Variants in C8orf34 observed in about 807,000 individuals in gnomAD.
C8orf34 encodes the protein uncharacterized protein C8orf34.
A neutral mutation model predicts 68.3 loss-of-function variants in C8orf34; 65 were observed. That is an observed-to-expected ratio of 0.95 (90% CI 0.78 to 1.17). The LOEUF (loss-of-function observed/expected upper bound fraction) is 1.17. Among genes scored for constraint, C8orf34 ranks in the 50% most tolerant of loss-of-function variants. The pLI is 0.00. For synonymous variants in C8orf34, 244 were observed against 241.2 expected (o/e 1.01, Z -0.11); for missense variants, 664 against 655.4 (o/e 1.01, Z -0.14).
intron 7 of C8orf34, among the ~76,000 whole-genome samples, chr8:68,627,022 A>G (rs938195909): frequency 2.6e-5 from 4 of 152,138 alleles, no homozygotes; most frequent in Non-Finnish European, 4.4e-5. Flanking sequence ...TAAAATGGTA[A>G]TTAAAATGAT....
chr8:68,767,053 C>T (rs2129528237), intron 10 of C8orf34, among the ~76,000 whole-genome samples: 1 of 152,158 alleles, frequency 6.6e-6, no homozygotes, highest in Admixed American at 6.5e-5. Flanking sequence ...GGTGTGATGG[C>T]ATTGATGGCA....
intron 1 of C8orf34, among the ~76,000 whole-genome samples, chr8:68,353,270 C>G (rs995373688): frequency 6.6e-6 from 1 of 151,940 alleles, no homozygotes; most frequent in Non-Finnish European, 1.5e-5. Context: ...ATTAGAACTG[C>G]ACTCCCCCAC....
At chr8:68,400,682 T>C (rs1808912552) in intron 1 of C8orf34, among the ~76,000 whole-genome samples, 1 of 152,162 alleles carries the variant, frequency 6.6e-6, no homozygotes, top group Non-Finnish European at 1.5e-5. Flanking sequence ...TGCCTCAGCC[T>C]TCTGAGTAGC....
At chr8:68,743,370 G>A (rs1822361170) in intron 10 of C8orf34, among the ~76,000 whole-genome samples, 1 of 152,190 alleles carries the variant, frequency 6.6e-6, no homozygotes, top group Non-Finnish European at 1.5e-5. Flanking sequence ...AGCCAAGATG[G>A]CCGAATAGGA....
chr8:68,646,438 C>G (rs1819174925), intron 8 of C8orf34, among the ~76,000 whole-genome samples: 1 of 151,892 alleles, frequency 6.6e-6, no homozygotes, highest in Admixed American at 6.6e-5. Context: ...GTTAACAAAT[C>G]CACCACCAAT....
intron 1 of C8orf34, among the ~76,000 whole-genome samples, chr8:68,418,405 C>T (rs1245336290): frequency 1.3e-5 from 2 of 152,054 alleles, no homozygotes; most frequent in African/African-American, 4.8e-5. Flanking sequence ...AGATTTTGCC[C>T]ATTCAGTATG....
At chr8:68,359,131 AAGAC>A (rs528041780) in intron 1 of C8orf34, among the ~76,000 whole-genome samples, 116 of 152,338 alleles carry the variant, frequency 7.6e-4, no homozygotes, top group Middle Eastern at 3.4e-3. Context: ...AAAATGTGGA[AAGAC>A]AGAGTGCAAA....
At chr8:68,796,194 T>G (rs1824173253) in intron 12 of C8orf34, among the ~76,000 whole-genome samples, 1 of 152,216 alleles carries the variant, frequency 6.6e-6, no homozygotes, top group South Asian at 2.1e-4. Context: ...TTATTGAGAT[T>G]CAGCCGTTTT....
At chr8:68,539,419 A>G (rs1204342884) in intron 7 of C8orf34, among the ~76,000 whole-genome samples, 3 of 152,264 alleles carry the variant, frequency 2.0e-5, no homozygotes, top group Non-Finnish European at 4.4e-5. Flanking sequence ...CATCAAAACC[A>G]ACAGATATTA....
chr8:68,707,458 C>T (rs1421191154), intron 8 of C8orf34, among the ~76,000 whole-genome samples: 1 of 152,082 alleles, frequency 6.6e-6, no homozygotes, highest in East Asian at 1.9e-4. Context: ...TTAATAAGTG[C>T]TAAATAAAAC....
At chr8:68,704,271 G>T (rs1451402824) in intron 8 of C8orf34, among the ~76,000 whole-genome samples, 3 of 152,138 alleles carry the variant, frequency 2.0e-5, no homozygotes, top group Non-Finnish European at 2.9e-5. Flanking sequence ...GAAAAGAGGA[G>T]AATCTAGAAG....
In C8orf34 at chr8:68,732,558, A is replaced by G. The variant is rs1015631476; in HGVS notation, c.1404+11121A>G. 2.1e-4 allele frequency among the ~76,000 whole-genome samples: 32 copies of G among 151,854 alleles called. 1 individual carries two copies. The highest frequency in any genetic ancestry group is 2.0e-3 in the Admixed American group (30 of 15,226). Reference sequence around the variant, plus strand: ...ATATTGTGGCAAATAATTTTTAGCAATTTTTCTCTTGTCTTTTAATGTTAT... The same window carrying G: ...ATATTGTGGCAAATAATTTTTAGCAGTTTTTCTCTTGTCTTTTAATGTTAT... On this transcript the variant is annotated intron_variant, in intron 10 of 13. Coordinates refer to ENST00000518698, the MANE Select transcript of C8orf34 (RefSeq NM_052958.4).
At chr8:68,603,122 C>T (rs770548949) in intron 7 of C8orf34, among the ~76,000 whole-genome samples, 1 of 150,242 alleles carries the variant, frequency 6.7e-6, no homozygotes. Flanking sequence ...TAAGTTTGTT[C>T]GTGGGATTAT....
At chr8:68,418,354 G>A (rs1456829173) in intron 1 of C8orf34, among the ~76,000 whole-genome samples, 1 of 151,560 alleles carries the variant, frequency 6.6e-6, no homozygotes, top group Non-Finnish European at 1.5e-5. Flanking sequence ...GGTGAGAGAG[G>A]GCATCCCTGT....
In C8orf34 at chr8:68,776,447, G is replaced by T; in HGVS notation, c.1453G>T (p.Glu485Ter). Residue 485 changes from glutamate to a stop codon, truncating the protein, a stop_gained and splice_region_variant, in exon 11 of 14, where the codon GAA becomes TAA. Coordinates refer to ENST00000518698, the MANE Select transcript of C8orf34 (RefSeq NM_052958.4). LOFTEE classifies it high-confidence loss of function. The part of the protein sequence containing the change: ...VGHSLKNYME[E>*]DESLKQLQVV... Reference sequence around the variant, plus strand: ...ACACTCACTGAAAAACTACATGGAAGAAGTGAGTTTTAAGGTTGCTTTATA... The same window carrying T: ...ACACTCACTGAAAAACTACATGGAATAAGTGAGTTTTAAGGTTGCTTTATA... 6.2e-7 allele frequency: 1 copy of T among 1,612,176 alleles called. No individual in the cohort carries two copies. Among genetic ancestry groups the T allele is most frequent in the Non-Finnish European group, 8.5e-7 (1 of 1,178,416 alleles).
intron 1 of C8orf34, among the ~76,000 whole-genome samples, chr8:68,379,911 G>A (rs1368342261): frequency 6.6e-6 from 1 of 152,188 alleles, no homozygotes; most frequent in Non-Finnish European, 1.5e-5. Context: ...GAGTGCAGTG[G>A]CACAATTATG....
chr8:68,645,966 C>G (rs941106762), intron 8 of C8orf34, among the ~76,000 whole-genome samples: 1 of 152,136 alleles, frequency 6.6e-6, no homozygotes, highest in African/African-American at 2.4e-5. Flanking sequence ...GACCTTGTCT[C>G]CTCCTCCTGT....
intron 11 of C8orf34, among the ~76,000 whole-genome samples, chr8:68,778,416 G>T (rs1480193912): frequency 1.3e-5 from 2 of 152,086 alleles, no homozygotes; most frequent in African/African-American, 4.8e-5. Flanking sequence ...GCTCTTTGCA[G>T]ATCAAATGCT....
intron 8 of C8orf34, among the ~76,000 whole-genome samples, chr8:68,675,860 A>G (rs1277394295): frequency 6.6e-6 from 1 of 152,220 alleles, no homozygotes; most frequent in Non-Finnish European, 1.5e-5. Context: ...TTTCACCTGT[A>G]AAGACACACA....
Sources: gnomAD v4.1 joint callset for allele counts (sites outside exome capture counted in the v4.1 genomes callset) on GRCh38, gnomAD v4.1.1 for gene constraint, MANE v1.5 for transcripts, NCBI Gene and HGNC (gene_info 2026-07-23, HGNC 2026-07-21) for gene names.